UCKL1: variants seen among roughly 807,000 people sequenced by gnomAD.
The protein encoded by UCKL1 is uridine-cytidine kinase-like 1.
In UCKL1, 65 loss-of-function variants were observed where a neutral mutation model predicts 59.2. That is an observed-to-expected ratio of 1.10 (90% CI 0.90 to 1.35). The LOEUF is 1.35. Among genes scored for constraint, UCKL1 ranks in the 40% most tolerant of loss-of-function variants. The probability of loss-of-function intolerance (pLI) is 0.00; values close to 1 mark genes in which losing one functional copy is unlikely to be tolerated. For missense variants in UCKL1, 703 were observed against 784.3 expected, an observed-to-expected ratio of 0.90 and a Z score of 1.24; for synonymous variants, 410 against 323.1, an observed-to-expected ratio of 1.27 and a Z score of -2.88.
chr20:63,952,184 G>A (rs951917639), intron 1 of UCKL1, among the ~76,000 whole-genome samples: 1 of 152,190 alleles, frequency 6.6e-6, no homozygotes, highest in Non-Finnish European at 1.5e-5. Context: ...GGGAGGCGGA[G>A]GCTGTCCTGA....
At chr20:63,942,263 T>C in intron 8 of UCKL1, 1 of 40,260 alleles carries the variant, frequency 2.5e-5, no homozygotes, top group Non-Finnish European at 5.2e-5. Context: ...GGGCCGGGAA[T>C]GGGGTGTGGC....
In UCKL1 at chr20:63,940,689, C is replaced by T; in HGVS notation, c.1207G>A (p.Gly403Ser). 1.2e-6 allele frequency: 2 copies of T among 1,607,614 alleles called. No homozygotes were observed. Among genetic ancestry groups the T allele is most frequent in the Non-Finnish European group, 1.7e-6 (2 of 1,178,130 alleles). Residue 403 changes from glycine to serine, a missense_variant, in exon 12 of 15, where the codon GGT (glycine) becomes AGT (serine). Around this residue, in one of 4 missense-constraint regions of UCKL1, gnomAD observed 25 missense variants for 64.5 expected, o/e 0.39. Transcript: ENST00000354216. ...CGCAGCGCGGGCTCCATGGTTTCAC[C>T]GGCGCGCAGAATGGACACACCGGTG... ...QITGVSILRA[G>S]ETMEPALRAV...
chr20:63,944,653 C>T lies in UCKL1; in HGVS notation c.736G>A (p.Gly246Ser), dbSNP rs765227462. Reference protein sequence around the residue: ...RRLRRDISERGRDIEGVIKQY... With the variant: ...RRLRRDISERSRDIEGVIKQY... ...TTGATGACACCCTCGATGTCCCGGC[C>T]GCGCTCACTGATGTCCCGGCGCAGC... Residue 246 changes from glycine to serine, a missense_variant, in exon 6 of 15, where the codon GGC becomes AGC. Coordinates refer to ENST00000354216, the MANE Select transcript of UCKL1 (RefSeq NM_017859.4). The T allele has an allele frequency of 1.8e-5, 29 of 1,612,756 alleles. No homozygotes were observed. The highest frequency in any genetic ancestry group is 6.6e-5 in the South Asian group (6 of 91,080).
In UCKL1 at chr20:63,940,586, C is replaced by A. The variant is rs982276099; in HGVS notation, c.1302+8G>T. The stretch of plus-strand genomic sequence containing the variant: ...CCCGGGCTCATCACCCCGGCTGCCC[C>A]CAGGCACCTCGGGCTCCCCGGTAAG... On this transcript the variant is annotated splice_region_variant and intron_variant, in intron 12 of 14. Transcript: ENST00000354216. 2 of 1,607,172 alleles carry A rather than the reference C, an allele frequency of 1.2e-6. No homozygotes were observed. Among genetic ancestry groups the A allele is most frequent in the African/African-American group, 2.7e-5 (2 of 74,936 alleles).
At position 63,946,172 on chromosome 20, in the gene UCKL1, A is replaced by G. The variant is rs146934123; in HGVS notation, c.400T>C (p.Ser134Pro). 4.3e-5 allele frequency: 69 copies of G among 1,612,146 alleles called. No individual in the cohort carries two copies. Among genetic ancestry groups the G allele is most frequent in the Non-Finnish European group, 5.6e-5 (66 of 1,179,690 alleles). Residue 134 changes from serine (S) to proline (P), a missense_variant, in exon 3 of 15, where the codon TCC (serine) becomes CCC (proline). By Grantham distance (74) the Ser-to-Pro change is moderately conservative. Transcript: ENST00000354216. ...VPWVVLLSMD[S>P]FYKVLTEQQQ... ...GGGCGGGGGCCCACCTTGTAGAAGG[A>G]GTCCATGGACAGCAAGACCACCCAG...
chr20:63,946,832 C>T (rs2056374227), intron 1 of UCKL1, among the ~76,000 whole-genome samples, 189 bp from the exon 2 acceptor site: 1 of 151,966 alleles, frequency 6.6e-6, no homozygotes, highest in Non-Finnish European at 1.5e-5. Flanking sequence ...AATCCCAGTA[C>T]TTTGGGAGGC....
intron 5 of UCKL1, 25 bp from the exon 6 acceptor site, chr20:63,944,759 G>C: frequency 6.2e-7 from 1 of 1,609,858 alleles, no homozygotes; most frequent in Non-Finnish European, 8.5e-7. Context: ...GGGCCAGTGA[G>C]TGGCCAGATG....
In UCKL1 at chr20:63,944,391, G is replaced by T. The variant is rs770713159; in HGVS notation, c.906+6C>A. 2.2e-5 allele frequency: 34 copies of T among 1,555,810 alleles called. No individual in the cohort carries two copies. The highest frequency in any genetic ancestry group is 2.9e-5 in the Non-Finnish European group (33 of 1,151,180). ...CTAGGCCGTGGGGACGTGGGACCCC[G>T]CTCACCTCCTCCAGCTGGCTGTGCA... On this transcript the variant is annotated splice_donor_region_variant and intron_variant, in intron 7 of 14. Coordinates refer to ENST00000354216, the MANE Select transcript of UCKL1 (RefSeq NM_017859.4).
At chr20:63,941,521 C>T (rs564676949) in intron 8 of UCKL1, 228 of 400,050 alleles carry the variant, frequency 5.7e-4, no homozygotes, top group African/African-American at 4.3e-3. Flanking sequence ...CAGAAGTGGG[C>T]CGGGCACAGG....
rs2053896636 is a variant in UCKL1, at chr20:63,939,928, TCAGGAGG to T, written c.*41_*47del. ...CATCTTTGTATTCAGCAGTCCTGGG[TCAGGAGG>T]CAGGAGGAGGGTGGTGGGGACGGGA... On this transcript the variant is annotated 3_prime_UTR_variant, in exon 15 of 15. Transcript: ENST00000354216. The T allele has an allele frequency of 1.4e-5, 22 of 1,521,446 alleles. No individual in the cohort carries two copies. The highest frequency in any genetic ancestry group is 1.8e-5 in the Non-Finnish European group (20 of 1,098,430). The allele number at this position is 1,521,446 out of a possible 1,614,324, so 94.2% of individuals were successfully genotyped here. A position where few individuals can be genotyped will look rare whatever the true frequency, so the allele number is the denominator to read the frequency against.
chr20:63,943,304 G>A (rs946332548), intron 8 of UCKL1, among the ~76,000 whole-genome samples: 1 of 152,214 alleles, frequency 6.6e-6, no homozygotes, highest in African/African-American at 2.4e-5. Flanking sequence ...GCTGGGACAT[G>A]TCTGTAGTCA....
chr20:63,941,202 C>T lies in UCKL1; in HGVS notation c.930G>A (p.Ala310=), dbSNP rs1162598978. 1.3e-6 allele frequency: 2 copies of T among 1,533,674 alleles called. No homozygotes were observed. The highest frequency in any genetic ancestry group is 1.4e-5 in the African/African-American group (1 of 72,830). ...GGTGGCACTGGTGTGCCGAGGCCAG[C>T]GCAGCCCTGGGGACAAACCGATGGG... ...LEERELSVRA[A]LASAHQCHPL... The change falls in exon 9 of 15, where the codon GCG becomes GCA. Residue 310 remains alanine, a synonymous_variant. Coordinates refer to ENST00000354216, the MANE Select transcript of UCKL1 (RefSeq NM_017859.4).
Position 63,940,345 on chromosome 20 carries a change from T to C in UCKL1, c.1410+33A>G, listed in dbSNP as rs371811051. On this transcript the variant is annotated intron_variant, in intron 13 of 14. Coordinates refer to ENST00000354216, the MANE Select transcript of UCKL1 (RefSeq NM_017859.4). ...TGGGCAGGTAAATCCCACCTCTGCC[T>C]GAACCTGCCCCGCCTACCCAGGGCT... The C allele has an allele frequency of 2.0e-5, 32 of 1,611,798 alleles. No individual in the cohort carries two copies. The African/African-American group carries it at 3.9e-4, about 19-fold the overall frequency.
In UCKL1 at chr20:63,944,565, G is replaced by T; in HGVS notation, c.824C>A (p.Ala275Glu). ...DQYIQPTMRL[A>E]DIVVPRGSGN... Reference sequence around the variant, plus strand: ...CTCACCTCTGGGGACCACGATGTCTGCCAGGCGCATGGTGGGCTGGATGTA... The same window carrying T: ...CTCACCTCTGGGGACCACGATGTCTTCCAGGCGCATGGTGGGCTGGATGTA... Residue 275 changes from alanine to glutamate, a missense_variant, in exon 6 of 15, where the codon GCA becomes GAA. By Grantham distance (107) the Ala-to-Glu change is moderately radical. Coordinates refer to ENST00000354216, the MANE Select transcript of UCKL1 (RefSeq NM_017859.4). 6.2e-7 allele frequency: 1 copy of T among 1,611,732 alleles called. No homozygotes were observed. Among genetic ancestry groups the T allele is most frequent in the Admixed American group, 1.7e-5 (1 of 59,808 alleles).
At chr20:63,943,710 C>T (rs750867756) in intron 7 of UCKL1, 41 bp from the exon 8 acceptor site, 13 of 1,611,924 alleles carry the variant, frequency 8.1e-6, no homozygotes, top group African/African-American at 1.3e-5. Context: ...AACGGTGGCG[C>T]GTCAGTGACC....
Position 63,940,647 on chromosome 20 carries a change from CGTCTTTGCACACA to C in UCKL1, c.1236_1248del (p.Val413CysfsTer22). 1.2e-6 allele frequency: 2 copies of C among 1,610,240 alleles called. No individual in the cohort carries two copies. The highest frequency in any genetic ancestry group is 1.7e-6 in the Non-Finnish European group (2 of 1,179,446). ...TGGATGAGGATGGTGCCGATGCGCA[CGTCTTTGCACACA>C]GCGCGCAGCGCGGGCTCCATGGTTT... On this transcript the variant is annotated frameshift_variant, in exon 12 of 15. Transcript: ENST00000354216. LOFTEE classifies it high-confidence loss of function.
rs374337359 is a variant in UCKL1 at position 63,946,490 on chromosome 20, A to G, written c.267T>C (p.Asn89=). ...CCTCTTTGGATTGCGTGCCGTGTTC[A>G]TTGTACCAGGGCGGCCGCCCGGCGG... ...IYTAGRPPWY[N]EHGTQSKEAF... is the part of the protein sequence containing the mutation. The change falls in exon 2 of 15, where the codon AAT becomes AAC. Residue 89 remains asparagine, a synonymous_variant. Coordinates refer to ENST00000354216, the MANE Select transcript of UCKL1 (RefSeq NM_017859.4). The G allele has an allele frequency of 2.5e-6, 4 of 1,582,976 alleles. No homozygotes were observed. In the African/African-American group the frequency reaches 4.0e-5, roughly 16 times the overall value.
intron 1 of UCKL1, 36 bp downstream of exon 1, chr20:63,956,224 G>C (rs765949003): frequency 2.7e-6 from 4 of 1,475,006 alleles, no homozygotes; most frequent in Non-Finnish European, 3.6e-6. Flanking sequence ...GCCCCTTCCC[G>C]CTCGCCAGTG....
At chr20:63,952,136 C>T (rs537828891) in intron 1 of UCKL1, among the ~76,000 whole-genome samples, 1 of 152,336 alleles carries the variant, frequency 6.6e-6, no homozygotes, top group South Asian at 2.1e-4. Flanking sequence ...CGGCTACATC[C>T]CTCACTTGGG....
Sources: gnomAD v4.1 joint callset for allele counts (sites outside exome capture counted in the v4.1 genomes callset) on GRCh38, gnomAD v4.1.1 for gene constraint, gnomAD v4.1.1 regional missense constraint, MANE v1.5 for transcripts, NCBI Gene and HGNC (gene_info 2026-07-23, HGNC 2026-07-21) for gene names.